PPFIA2: variants seen among roughly 807,000 people sequenced by gnomAD.
PPFIA2 encodes the protein liprin-alpha-2.
A neutral mutation model predicts 175.5 loss-of-function variants in PPFIA2; 46 were observed. The ratio of observed to expected loss-of-function variants is 0.26; its 90% confidence interval spans 0.21 to 0.34. PPFIA2 has a LOEUF of 0.34. Among genes scored for constraint, PPFIA2 ranks in the 10% least tolerant of loss-of-function variants. The pLI is 1.00. For synonymous variants in PPFIA2, 568 were observed against 511.4 expected, an observed-to-expected ratio of 1.11 and a Z score of -1.49; for missense variants, 1,179 against 1,506.1, an observed-to-expected ratio of 0.78 and a Z score of 3.60.
intron 4 of PPFIA2, chr12:81,545,457 T>A (rs1348708353): frequency 6.5e-6 from 1 of 152,986 alleles, no homozygotes; most frequent in Non-Finnish European, 1.5e-5. Context: ...GGGGGGCGGG[T>A]GCCACATGTC....
chr12:81,458,144 A>T (rs193046120), intron 4 of PPFIA2, among the ~76,000 whole-genome samples: 365 of 152,304 alleles, frequency 2.4e-3, no homozygotes, highest in Admixed American at 3.5e-3. Flanking sequence ...CGTTAATATG[A>T]TAACTTATTC....
At chr12:81,267,804 G>C in intron 29 of PPFIA2, 108 bp downstream of exon 29, 2 of 899,458 alleles carry the variant, frequency 2.2e-6, no homozygotes, top group Non-Finnish European at 3.1e-6. Flanking sequence ...CAAACATTGA[G>C]TTAACTTTCA....
chr12:81,554,459 T>C (rs1279788043), intron 4 of PPFIA2, among the ~76,000 whole-genome samples: 3 of 152,014 alleles, frequency 2.0e-5, no homozygotes, highest in Admixed American at 2.0e-4. Flanking sequence ...TTATTTTCTT[T>C]CTCTGTACCA....
At chr12:81,736,048 T>A (rs753561393) in intron 3 of PPFIA2, among the ~76,000 whole-genome samples, 3 of 151,970 alleles carry the variant, frequency 2.0e-5, no homozygotes, top group Admixed American at 6.6e-5. Context: ...TTAATTATCC[T>A]TGGTCCTTTG....
chr12:81,608,271 T>G (rs765499431), intron 4 of PPFIA2, among the ~76,000 whole-genome samples: 1 of 152,072 alleles, frequency 6.6e-6, no homozygotes, highest in African/African-American at 2.4e-5. Context: ...TTGTTGTGTC[T>G]CTGTCAGATT....
At chr12:81,502,601 G>T (rs2060701501) in intron 4 of PPFIA2, among the ~76,000 whole-genome samples, 1 of 152,122 alleles carries the variant, frequency 6.6e-6, no homozygotes, top group Non-Finnish European at 1.5e-5. Context: ...ACTCTTCATT[G>T]ATGATTCATT....
intron 4 of PPFIA2, among the ~76,000 whole-genome samples, chr12:81,618,433 A>C (rs1409466137): frequency 2.0e-5 from 3 of 150,372 alleles, no homozygotes; most frequent in Non-Finnish European, 4.4e-5. Flanking sequence ...TAAATTTAAA[A>C]GGTAGAGAAA....
chr12:81,586,705 A>C (rs1479628732), intron 4 of PPFIA2, among the ~76,000 whole-genome samples: 1 of 151,830 alleles, frequency 6.6e-6, no homozygotes, highest in Non-Finnish European at 1.5e-5. Flanking sequence ...TATATTATAT[A>C]AGCACAAAAT....
intron 4 of PPFIA2, among the ~76,000 whole-genome samples, chr12:81,605,480 C>G (rs10732676): frequency 0.89 from 134,343 of 151,756 alleles, 59,583 homozygotes; most frequent in East Asian, 1. Context: ...TAGCATTACA[C>G]GATAACAAAG....
chr12:81,427,380 A>G (rs1278124476), intron 7 of PPFIA2, among the ~76,000 whole-genome samples: 2 of 152,102 alleles, frequency 1.3e-5, no homozygotes, highest in African/African-American at 4.8e-5. Context: ...TTTCTCATAC[A>G]TTAATTATGA....
intron 3 of PPFIA2, among the ~76,000 whole-genome samples, chr12:81,720,327 T>C (rs2079152382): frequency 6.6e-6 from 1 of 151,550 alleles, no homozygotes; most frequent in African/African-American, 2.4e-5. Flanking sequence ...TTTAAATTAC[T>C]GACACTAAAT....
chr12:81,339,341 A>T lies in PPFIA2; in HGVS notation c.2394-7T>A. 6.4e-7 allele frequency: 1 copy of T among 1,558,522 alleles called. No homozygotes were observed. The highest frequency in any genetic ancestry group is 8.6e-7 in the Non-Finnish European group (1 of 1,156,258). ...AAGAGAGACAGATAAACTACTGCAA[A>T]ACACAAAAGAGGAAAATACATGCAA... is the stretch of plus-strand genomic sequence containing the variant. On this transcript the variant is annotated splice_region_variant and splice_polypyrimidine_tract_variant and intron_variant, in intron 20 of 32. Transcript: ENST00000549396.
At chr12:81,493,841 G>T (rs2059714947) in intron 4 of PPFIA2, among the ~76,000 whole-genome samples, 2 of 148,404 alleles carry the variant, frequency 1.3e-5, no homozygotes, top group Admixed American at 1.4e-4. Context: ...ATGAAGGCAG[G>T]TGGGGAGATA....
At chr12:81,731,982 A>G (rs116216174) in intron 3 of PPFIA2, among the ~76,000 whole-genome samples, 2,665 of 151,668 alleles carry the variant, frequency 0.018, 37 homozygotes, top group South Asian at 0.041. Flanking sequence ...AGAAAGCATG[A>G]TGAAAAGATG....
intron 4 of PPFIA2, among the ~76,000 whole-genome samples, chr12:81,467,577 T>C (rs1257910521): frequency 1.3e-5 from 2 of 152,114 alleles, no homozygotes; most frequent in Non-Finnish European, 2.9e-5. Flanking sequence ...AATTAGAACA[T>C]GTTACATTAT....
chr12:81,431,307 C>T (rs539184443), intron 7 of PPFIA2: 1 of 152,138 alleles, frequency 6.6e-6, no homozygotes, highest in Non-Finnish European at 1.5e-5. Flanking sequence ...TTTATTACCC[C>T]TTGTACTTCC....
intron 8 of PPFIA2, among the ~76,000 whole-genome samples, chr12:81,385,301 G>A (rs1334643021): frequency 6.6e-6 from 1 of 152,072 alleles, no homozygotes; most frequent in Non-Finnish European, 1.5e-5. Flanking sequence ...AGGTATGAGA[G>A]TTCCTCAAAA....
rs371453658 is a variant in PPFIA2, at chr12:81,642,728, CATGTAT to C, written c.303+34057_303+34062del. On this transcript the variant is annotated intron_variant, in intron 4 of 32. Transcript: ENST00000549396. ...TATGTATGTATGTATTATATACATA[CATGTAT>C]ATGTATGTATGTATTATATACATAC... 4.4e-4 allele frequency among the ~76,000 whole-genome samples: 5 copies of C among 11,322 alleles called. 1 individual carries two copies. Among genetic ancestry groups the C allele is most frequent in the Non-Finnish European group, 8.1e-4 (3 of 3,718 alleles). 7.4% of individuals were successfully genotyped at this position (11,322 alleles called of 152,430 possible). A position where few individuals can be genotyped will look rare whatever the true frequency, so the allele number is the denominator to read the frequency against.
chr12:81,364,998 C>T (rs1417782017), intron 14 of PPFIA2, among the ~76,000 whole-genome samples: 1 of 151,422 alleles, frequency 6.6e-6, no homozygotes. Context: ...ACCTAGGTGT[C>T]CAAATGGAGA....
Sources: allele counts gnomAD v4.1 joint callset (sites outside exome capture counted in the v4.1 genomes callset), GRCh38; gene constraint gnomAD v4.1.1; transcripts MANE v1.5; gene names NCBI Gene and HGNC (gene_info 2026-07-23, HGNC 2026-07-21).